KLF12: variants seen among roughly 807,000 people sequenced by gnomAD.
KLF12 encodes the protein KLF transcription factor 12.
Under a neutral mutation model 37.8 loss-of-function variants are expected in KLF12, and 9 were observed. The observed-to-expected ratio is 0.24, with a 90% CI of 0.14 to 0.42. KLF12 has a LOEUF of 0.42. KLF12 is among the 10% of genes least tolerant of loss of function. The probability of loss-of-function intolerance (pLI) is 1.00; values close to 1 mark genes in which losing one functional copy is unlikely to be tolerated. For synonymous variants in KLF12, 208 were observed against 202.1 expected (o/e 1.03, Z -0.25); for missense variants, 411 against 516.0 (o/e 0.80, Z 1.97).
At chr13:73,728,284 A>G (rs1207864106) in intron 6 of KLF12, among the ~76,000 whole-genome samples, 2 of 152,214 alleles carry the variant, frequency 1.3e-5, no homozygotes, top group Non-Finnish European at 2.9e-5. Context: ...ACAGAAATGC[A>G]ATGAATGTTT....
chr13:73,700,864 T>C (rs1252494995), intron 7 of KLF12, among the ~76,000 whole-genome samples: 2 of 152,200 alleles, frequency 1.3e-5, no homozygotes, highest in Non-Finnish European at 2.9e-5. Flanking sequence ...GTATCTTATG[T>C]TTGTGCTTTG....
chr13:73,940,527 G>A lies in KLF12; in HGVS notation c.123+3454C>T, dbSNP rs116486395. On this transcript the variant is annotated intron_variant, in intron 3 of 7. Coordinates refer to ENST00000377669, the MANE Select transcript of KLF12 (RefSeq NM_007249.5). ...GGACTCCTGTCACCAATGAGAATGC[G>A]TATTTCCAATATTTACAATTTTGAT... Among the ~76,000 whole-genome samples the A allele has an allele frequency of 7.2e-3, 1,092 of 151,886 alleles. 21 individuals carry two copies. The highest frequency in any genetic ancestry group is 0.024 in the African/African-American group (1,000 of 41,398).
chr13:73,763,790 AGGCCG>A (rs1047656260), intron 6 of KLF12, among the ~76,000 whole-genome samples: 9 of 152,074 alleles, frequency 5.9e-5, no homozygotes, highest in African/African-American at 2.2e-4. Context: ...TTAGCTTTTC[AGGCCG>A]GACAGGGGAT....
At chr13:74,208,130 T>G in the KLF12 span, among the ~76,000 whole-genome samples, 1 of 152,166 alleles carries the variant, frequency 6.6e-6, no homozygotes, top group Non-Finnish European at 1.5e-5. Flanking sequence ...TCAAGACCCT[T>G]TTTGGTTAGG....
chr13:74,267,287 A>G, the KLF12 span, among the ~76,000 whole-genome samples: 534 of 152,354 alleles, frequency 3.5e-3, 4 homozygotes, highest in African/African-American at 0.012. Context: ...TAGCTTCTAA[A>G]TCCATCAAAA....
chr13:73,979,107 T>A (rs1233908695), intron 2 of KLF12, among the ~76,000 whole-genome samples: 1 of 152,196 alleles, frequency 6.6e-6, no homozygotes, highest in Non-Finnish European at 1.5e-5. Context: ...ATTGTACATT[T>A]GTTAAAACCC....
upstream of KLF12, among the ~76,000 whole-genome samples, chr13:74,135,168 C>T (rs1853832903): frequency 6.6e-6 from 1 of 151,928 alleles, no homozygotes; most frequent in South Asian, 2.1e-4. Context: ...TGCGCTTCAC[C>T]TTGGCGGGAT....
intron 3 of KLF12, among the ~76,000 whole-genome samples, chr13:73,897,927 A>C (rs1423161921): frequency 6.6e-6 from 1 of 152,210 alleles, no homozygotes; most frequent in East Asian, 1.9e-4. Flanking sequence ...GCCCACTCCT[A>C]TGAGCCCCTA....
chr13:73,771,752 A>C (rs548074555), intron 5 of KLF12, among the ~76,000 whole-genome samples: 8 of 152,378 alleles, frequency 5.3e-5, no homozygotes, highest in Admixed American at 5.2e-4. Context: ...GAAAATTATA[A>C]GAGATTTCAA....
chr13:74,108,388 A>C (rs1419462189), intron 1 of KLF12, among the ~76,000 whole-genome samples: 4 of 152,136 alleles, frequency 2.6e-5, no homozygotes, highest in Non-Finnish European at 2.9e-5. Flanking sequence ...TTTTTCTTCA[A>C]GAATCTAAAT....
At chr13:74,054,406 C>T (rs890121828) in intron 1 of KLF12, among the ~76,000 whole-genome samples, 1 of 152,136 alleles carries the variant, frequency 6.6e-6, no homozygotes, top group Non-Finnish European at 1.5e-5. Flanking sequence ...AAAAATCCCA[C>T]GGAGAGTCAG....
intron 2 of KLF12, among the ~76,000 whole-genome samples, chr13:73,958,460 C>T (rs1239397852): frequency 6.6e-6 from 1 of 152,082 alleles, no homozygotes; most frequent in Non-Finnish European, 1.5e-5. Flanking sequence ...CCAGGCTGGA[C>T]TTGAACTCCT....
At chr13:74,081,920 G>C (rs1306820090) in intron 1 of KLF12, among the ~76,000 whole-genome samples, 2 of 152,072 alleles carry the variant, frequency 1.3e-5, no homozygotes, top group East Asian at 3.9e-4. Flanking sequence ...AAAAATGTCT[G>C]TACATGCCCA....
chr13:74,260,414 G>A, the KLF12 span, among the ~76,000 whole-genome samples: 1 of 151,766 alleles, frequency 6.6e-6, no homozygotes, highest in Non-Finnish European at 1.5e-5. Context: ...ACATTAGCTG[G>A]GTGTGGTGGT....
chr13:73,739,423 G>A (rs938883414), intron 6 of KLF12, among the ~76,000 whole-genome samples: 3 of 152,010 alleles, frequency 2.0e-5, no homozygotes, highest in Non-Finnish European at 4.4e-5. Context: ...ATATATTAAG[G>A]TATTGTTGTT....
the KLF12 span, among the ~76,000 whole-genome samples, chr13:74,155,497 G>T: frequency 0.2 from 31,047 of 151,888 alleles, 4,165 homozygotes; most frequent in African/African-American, 0.38. Context: ...AAGTAGCTAG[G>T]ATTACAAGCA....
intron 2 of KLF12, among the ~76,000 whole-genome samples, chr13:73,969,270 T>G (rs1017726947): frequency 1.3e-5 from 2 of 152,116 alleles, no homozygotes; most frequent in African/African-American, 4.8e-5. Flanking sequence ...TGAAGTGAAG[T>G]GAACATGTGA....
chr13:74,128,958 CAT>C (rs1388056633), intron 1 of KLF12, among the ~76,000 whole-genome samples: 1 of 151,820 alleles, frequency 6.6e-6, no homozygotes, highest in African/African-American at 2.4e-5. Flanking sequence ...TACAAAAACA[CAT>C]GTAAAAACAT....
chr13:74,273,367 G>A, the KLF12 span, among the ~76,000 whole-genome samples: 1 of 151,154 alleles, frequency 6.6e-6, no homozygotes, highest in South Asian at 2.1e-4. Context: ...TTTTCCTTTG[G>A]TAAGTGTATC....
Sources: gnomAD v4.1 joint callset for allele counts (sites outside exome capture counted in the v4.1 genomes callset) on GRCh38, gnomAD v4.1.1 for gene constraint, MANE v1.5 for transcripts, NCBI Gene and HGNC (gene_info 2026-07-23, HGNC 2026-07-21) for gene names.